The following BHMT variants were observed in gnomAD, a reference collection of about 807,000 sequenced individuals.
The protein encoded by BHMT is betaine--homocysteine S-methyltransferase 1.
Under a neutral mutation model 49.5 loss-of-function variants are expected in BHMT, and 38 were observed. The ratio of observed to expected loss-of-function variants is 0.77; its 90% CI spans 0.59 to 1.01. The LOEUF is 1.01. BHMT is among the 50% of genes least tolerant of loss of function. The probability of loss-of-function intolerance (pLI) is 0.00; values close to 1 mark genes in which losing one functional copy is unlikely to be tolerated. For synonymous variants in BHMT, 166 were observed against 176.3 expected (o/e 0.94, Z 0.46); for missense variants, 426 against 495.7 (o/e 0.86, Z 1.34).
intron 5 of BHMT, among the ~76,000 whole-genome samples, chr5:79,121,643 C>G (rs556926457): frequency 4.8e-4 from 73 of 151,716 alleles, no homozygotes; most frequent in African/African-American, 1.2e-3. Context: ...TGAAACCCCA[C>G]CTCTACTAAA....
chr5:79,120,024 A>G (rs879625580), intron 3 of BHMT, among the ~76,000 whole-genome samples: 8 of 152,148 alleles, frequency 5.3e-5, no homozygotes, highest in Non-Finnish European at 8.8e-5. Context: ...CATCACCACC[A>G]CTACTATTTG....
chr5:79,120,142 A>T (rs941426073), intron 3 of BHMT: 1 of 471,056 alleles, frequency 2.1e-6, no homozygotes, highest in Admixed American at 3.9e-5. Context: ...GTAATGTCAT[A>T]TATATATTTA....
At chr5:79,113,519 G>C (rs1344894457) in intron 1 of BHMT, among the ~76,000 whole-genome samples, 2 of 152,122 alleles carry the variant, frequency 1.3e-5, no homozygotes, top group East Asian at 3.8e-4. Flanking sequence ...CTACACATTT[G>C]AGTTTAAAAT....
At position 79,119,266 on chromosome 5, in the gene BHMT, G is replaced by C. The variant is rs1446464248; in HGVS notation, c.174G>C (p.Gln58His). The stretch of plus-strand genomic sequence containing the variant: ...CCTCATTCACTCTCCCAGTTCGCCA[G>C]CTTCATCGAGAGTTCCTCAGAGCTG... The part of the protein sequence containing the change: ...AAVEHPEAVR[Q>H]LHREFLRAGS... The change falls in exon 3 of 8, where the codon CAG becomes CAC. Residue 58 changes from glutamine to histidine, a missense_variant. Gln to His is a conservative substitution (Grantham distance 24). Around this residue, in one of 3 missense-constraint regions of BHMT, gnomAD observed 321 missense variants for 355.9 expected, o/e 0.90. Coordinates refer to ENST00000274353, the MANE Select transcript of BHMT (RefSeq NM_001713.3). 3 of 1,604,638 alleles carry C rather than the reference G, an allele frequency of 1.9e-6. No individual in the cohort carries two copies. The highest frequency in any genetic ancestry group is 3.5e-5 in the Admixed American group (2 of 57,004).
Position 79,115,774 on chromosome 5 carries a change from T to A in BHMT, c.41T>A (p.Leu14Gln). 4 of 1,611,072 alleles carry A rather than the reference T, an allele frequency of 2.5e-6. No homozygotes were observed. Among genetic ancestry groups the A allele is most frequent in the Non-Finnish European group, 3.4e-6 (4 of 1,178,398 alleles). Reference sequence around the variant, plus strand: ...CCTCATCTGTAATTTTAGGGCATCCTAGAACGTTTAAATGCTGGAGAGATT... The same window carrying A: ...CCTCATCTGTAATTTTAGGGCATCCAAGAACGTTTAAATGCTGGAGAGATT... The part of the protein sequence containing the change: ...VGGKKAKKGI[L>Q]ERLNAGEIVI... Residue 14 changes from leucine (L) to glutamine (Q), a missense_variant, in exon 2 of 8, where the codon CTA becomes CAA. Physicochemically the swap from Leu to Gln is moderately radical, Grantham distance 113. Coordinates refer to ENST00000274353, the MANE Select transcript of BHMT (RefSeq NM_001713.3).
chr5:79,119,434 C>T (rs1756433770), intron 3 of BHMT, 57 bp downstream of exon 3: 3 of 1,376,364 alleles, frequency 2.2e-6, no homozygotes, highest in African/African-American at 1.4e-5. Context: ...ATTGCATCAA[C>T]AAAGCTCCCA....
chr5:79,112,695 T>G (rs1293979021), intron 1 of BHMT, among the ~76,000 whole-genome samples: 2 of 152,238 alleles, frequency 1.3e-5, no homozygotes, highest in Non-Finnish European at 2.9e-5. Context: ...GATGAAATTG[T>G]AAAACCCAAT....
chr5:79,117,513 G>A (rs1489190893), intron 2 of BHMT, among the ~76,000 whole-genome samples: 2 of 152,086 alleles, frequency 1.3e-5, no homozygotes, highest in African/African-American at 2.4e-5. Flanking sequence ...AAAAATCATG[G>A]AAAATCTTTG....
intron 4 of BHMT, among the ~76,000 whole-genome samples, chr5:79,121,011 C>G (rs185716567): frequency 1.2e-4 from 19 of 152,040 alleles, no homozygotes; most frequent in African/African-American, 4.3e-4. Flanking sequence ...ATTAGCCAGG[C>G]GTGGTGGCGG....
intron 7 of BHMT, among the ~76,000 whole-genome samples, chr5:79,130,291 C>T (rs1445814157): frequency 6.6e-6 from 1 of 152,154 alleles, no homozygotes; most frequent in East Asian, 1.9e-4. Flanking sequence ...ATGGCTCCCT[C>T]AATGTGCACT....
At chr5:79,122,997 C>G (rs1324073817) in intron 5 of BHMT, among the ~76,000 whole-genome samples, 1 of 152,106 alleles carries the variant, frequency 6.6e-6, no homozygotes, top group Admixed American at 6.5e-5. Flanking sequence ...GAGGAGGAGA[C>G]AGCACAGAAC....
chr5:79,123,874 G>A (rs1380649338), intron 5 of BHMT, among the ~76,000 whole-genome samples: 2 of 151,992 alleles, frequency 1.3e-5, no homozygotes, highest in East Asian at 1.9e-4. Context: ...TTTTGGGGGT[G>A]GAAACAATCT....
chr5:79,125,129 A>C (rs979424581), intron 5 of BHMT, among the ~76,000 whole-genome samples: 6 of 152,174 alleles, frequency 3.9e-5, no homozygotes, highest in Admixed American at 1.3e-4. Flanking sequence ...CTAAAATTTG[A>C]AGTTTAAAAA....
intron 5 of BHMT, among the ~76,000 whole-genome samples, chr5:79,125,585 A>AG (rs1363446466): frequency 1.3e-5 from 2 of 152,130 alleles, no homozygotes; most frequent in Non-Finnish European, 2.9e-5. Context: ...TCTCACTCAA[A>AG]GGTAAGAGGT....
chr5:79,117,321 G>T (rs1053349014), intron 2 of BHMT, among the ~76,000 whole-genome samples: 1 of 151,978 alleles, frequency 6.6e-6, no homozygotes, highest in Non-Finnish European at 1.5e-5. Context: ...TTTATTCCTA[G>T]TGTCCAGAAA....
chr5:79,113,291 T>A (rs1756335813), intron 1 of BHMT, among the ~76,000 whole-genome samples: 1 of 152,208 alleles, frequency 6.6e-6, no homozygotes, highest in Non-Finnish European at 1.5e-5. Context: ...GAAGGATGAT[T>A]CCTATAGATA....
chr5:79,131,167 C>T lies in BHMT; in HGVS notation c.*51C>T. ...ATTTCTAGGTGTTTGGGTCACAGTT[C>T]CTACAAATACGGAAAAGGGGGTTAA... On this transcript the variant is annotated 3_prime_UTR_variant, in exon 8 of 8. Transcript: ENST00000274353. 1 of 1,533,728 alleles carries T rather than the reference C, an allele frequency of 6.5e-7. No individual in the cohort carries two copies.
intron 1 of BHMT, among the ~76,000 whole-genome samples, chr5:79,112,857 G>A (rs1262540492): frequency 6.6e-6 from 1 of 152,150 alleles, no homozygotes; most frequent in Non-Finnish European, 1.5e-5. Flanking sequence ...CAGGTGGGAA[G>A]AGAGAGAGAA....
At chr5:79,118,663 A>G (rs984274856) in intron 2 of BHMT, among the ~76,000 whole-genome samples, 1 of 152,184 alleles carries the variant, frequency 6.6e-6, no homozygotes, top group African/African-American at 2.4e-5. Context: ...CCAGCCACTC[A>G]AGGTACTTGT....
Sources: gnomAD v4.1 joint callset for allele counts (sites outside exome capture counted in the v4.1 genomes callset) on GRCh38, gnomAD v4.1.1 for gene constraint, gnomAD v4.1.1 regional missense constraint, MANE v1.5 for transcripts, NCBI Gene and HGNC (gene_info 2026-07-23, HGNC 2026-07-21) for gene names.